Variants in GLG1 observed in about 807,000 individuals in gnomAD.
GLG1 encodes Golgi apparatus protein 1.
GLG1 carries 38 observed loss-of-function variants against 160.5 expected under a neutral mutation model. The ratio of observed to expected loss-of-function variants is 0.24; its 90% CI spans 0.18 to 0.31. The LOEUF (loss-of-function observed/expected upper bound fraction) is 0.31, where lower values mean the gene tolerates loss of function less well. Ranked by LOEUF, GLG1 falls within the 10% of genes least tolerant of loss-of-function variation. GLG1 has a pLI of 1.00. For synonymous variants in GLG1, 644 were observed against 543.4 expected, an observed-to-expected ratio of 1.19 and a Z score of -2.57; for missense variants, 1,373 against 1,505.2, an observed-to-expected ratio of 0.91 and a Z score of 1.45.
chr16:74,554,317 T>G (rs967363833), intron 1 of GLG1, among the ~76,000 whole-genome samples: 1 of 152,188 alleles, frequency 6.6e-6, no homozygotes, highest in Non-Finnish European at 1.5e-5. Context: ...ACGGATCACT[T>G]GAAGTCAGGA....
intron 1 of GLG1, among the ~76,000 whole-genome samples, chr16:74,576,431 A>G (rs1372459630): frequency 6.6e-6 from 1 of 152,216 alleles, no homozygotes; most frequent in Non-Finnish European, 1.5e-5. Flanking sequence ...TATATATTAT[A>G]GTCTAAGACA....
chr16:74,499,872 A>G (rs2016343929), intron 4 of GLG1, among the ~76,000 whole-genome samples: 1 of 152,168 alleles, frequency 6.6e-6, no homozygotes, highest in South Asian at 2.1e-4. Context: ...GCATGGTGGC[A>G]GGCACCTGTA....
chr16:74,558,087 G>A (rs1050366044), intron 1 of GLG1, among the ~76,000 whole-genome samples: 2 of 152,062 alleles, frequency 1.3e-5, no homozygotes, highest in African/African-American at 4.8e-5. Flanking sequence ...ATTCACAGAT[G>A]GTCTTCAACT....
intron 2 of GLG1, among the ~76,000 whole-genome samples, chr16:74,509,465 C>T (rs1011828781): frequency 6.6e-6 from 1 of 151,990 alleles, no homozygotes; most frequent in Non-Finnish European, 1.5e-5. Context: ...TCAGATCTCA[C>T]AATCAACAGT....
intron 25 of GLG1, among the ~76,000 whole-genome samples, chr16:74,455,268 G>T (rs1280919471): frequency 6.6e-6 from 1 of 152,152 alleles, no homozygotes; most frequent in Non-Finnish European, 1.5e-5. Flanking sequence ...CTGCTGAGAT[G>T]GTGTGGCCCA....
intron 1 of GLG1, among the ~76,000 whole-genome samples, chr16:74,555,539 G>C (rs1448005391): frequency 6.6e-6 from 1 of 151,864 alleles, no homozygotes; most frequent in Non-Finnish European, 1.5e-5. Flanking sequence ...AATATTAAAA[G>C]ATTGGCCAGG....
intron 2 of GLG1, 137 bp downstream of exon 2, chr16:74,531,984 C>T (rs1472143211): frequency 2.4e-6 from 1 of 418,962 alleles, no homozygotes; most frequent in Non-Finnish European, 4.4e-6. Context: ...TTACCAGCAT[C>T]CTTAAAGTTT....
intron 2 of GLG1, among the ~76,000 whole-genome samples, chr16:74,513,303 G>C (rs1161388324): frequency 6.6e-6 from 1 of 152,158 alleles, no homozygotes; most frequent in African/African-American, 2.4e-5. Context: ...GGATTAGGGT[G>C]TGGGCTAGGG....
At chr16:74,579,520 G>A (rs142699849) in intron 1 of GLG1, among the ~76,000 whole-genome samples, 2,775 of 149,662 alleles carry the variant, frequency 0.019, 36 homozygotes, top group Non-Finnish European at 0.028. Context: ...TCAGGAGTTC[G>A]AGACCAGCCT....
chr16:74,482,714 T>A (rs1206166954), intron 10 of GLG1, among the ~76,000 whole-genome samples: 1 of 152,156 alleles, frequency 6.6e-6, no homozygotes, highest in East Asian at 1.9e-4. Flanking sequence ...GAAGGCGCTT[T>A]TGCCACCCCC....
intron 23 of GLG1, among the ~76,000 whole-genome samples, chr16:74,458,651 G>A (rs2014658249): frequency 6.6e-6 from 1 of 152,122 alleles, no homozygotes; most frequent in South Asian, 2.1e-4. Context: ...TCCATCCTGG[G>A]AGACAAAGTG....
intron 1 of GLG1, among the ~76,000 whole-genome samples, chr16:74,553,669 T>G (rs946228081): frequency 1.1e-4 from 16 of 152,040 alleles, no homozygotes; most frequent in African/African-American, 3.6e-4. Context: ...GAGACGGGGT[T>G]TCACCATGTT....
rs2015421724 is a variant in GLG1, at chr16:74,477,397, T to C, written c.1964A>G (p.Gln655Arg). 6.2e-7 allele frequency: 1 copy of C among 1,609,476 alleles called. No individual in the cohort carries two copies. Among genetic ancestry groups the C allele is most frequent in the African/African-American group, 1.3e-5 (1 of 74,968 alleles). ...KWCSEKTETG[Q>R]ELECLQDHLD... ...CAAACAGAAAGCGATGTCACCTACC[T>C]GTCCAGTCTCTGTTTTCTCACTGCA... is the stretch of plus-strand genomic sequence containing the variant. The change falls in exon 12 of 26, where the codon CAG becomes CGG. Residue 655 changes from glutamine (Q) to arginine (R), a missense_variant and splice_region_variant. Physicochemically the swap from Gln to Arg is conservative, Grantham distance 43 (BLOSUM62 1). Transcript: ENST00000422840.
chr16:74,555,073 A>G (rs1412804235), intron 1 of GLG1, among the ~76,000 whole-genome samples: 1 of 152,218 alleles, frequency 6.6e-6, no homozygotes, highest in Non-Finnish European at 1.5e-5. Context: ...ACTTTGTGAT[A>G]AAACGGGAAA....
At chr16:74,580,074 C>CA (rs1008466638) in intron 1 of GLG1, among the ~76,000 whole-genome samples, 1 of 152,026 alleles carries the variant, frequency 6.6e-6, no homozygotes, top group Admixed American at 6.6e-5. Flanking sequence ...AAAAAACAAA[C>CA]AAAAAACCTT....
chr16:74,574,086 C>T (rs1338486002), intron 1 of GLG1, among the ~76,000 whole-genome samples: 1 of 152,212 alleles, frequency 6.6e-6, no homozygotes, highest in East Asian at 1.9e-4. Context: ...CACACATACA[C>T]TTATTATCTC....
intron 16 of GLG1, 172 bp from the exon 17 acceptor site, chr16:74,469,235 T>C (rs910005413): frequency 2.0e-5 from 12 of 600,058 alleles, no homozygotes; most frequent in East Asian, 5.5e-5. Context: ...GCAATTTGAC[T>C]GTGGGTGTCA....
chr16:74,476,143 C>T (rs1310883065), intron 12 of GLG1, among the ~76,000 whole-genome samples: 1 of 151,798 alleles, frequency 6.6e-6, no homozygotes, highest in African/African-American at 2.4e-5. Flanking sequence ...GATCGTGCCA[C>T]TGCACTCCAG....
At chr16:74,580,203 C>T (rs1305659593) in intron 1 of GLG1, among the ~76,000 whole-genome samples, 1 of 151,894 alleles carries the variant, frequency 6.6e-6, no homozygotes, top group Non-Finnish European at 1.5e-5. Flanking sequence ...CCAAATTTTA[C>T]GCCTGTGCAG....
Sources: gnomAD v4.1 joint callset for allele counts (sites outside exome capture counted in the v4.1 genomes callset) on GRCh38, gnomAD v4.1.1 for gene constraint, MANE v1.5 for transcripts, NCBI Gene and HGNC (gene_info 2026-07-23, HGNC 2026-07-21) for gene names.